LARGE1: variants seen among roughly 807,000 people sequenced by gnomAD.
LARGE1 encodes the protein LARGE xylosyl- and glucuronyltransferase 1, also known as xylosyl- and glucuronyltransferase LARGE1.
Under a neutral mutation model 87.6 loss-of-function variants are expected in LARGE1, and 43 were observed. The ratio of observed to expected loss-of-function variants is 0.49; its 90% confidence interval spans 0.38 to 0.63. The LOEUF is 0.63. Ranked by LOEUF, LARGE1 falls within the 30% of genes least tolerant of loss-of-function variation. The probability of loss-of-function intolerance (pLI) is 0.00; values close to 1 mark genes in which losing one functional copy is unlikely to be tolerated. For missense variants in LARGE1, 802 were observed against 1,000.2 expected (o/e 0.80, Z 2.67); for synonymous variants, 434 against 394.6 (o/e 1.10, Z -1.18).
At chr22:33,463,198 A>C (rs1445074385) in intron 6 of LARGE1, among the ~76,000 whole-genome samples, 3 of 152,140 alleles carry the variant, frequency 2.0e-5, no homozygotes, top group African/African-American at 7.2e-5. Flanking sequence ...TTTTAGGTGA[A>C]AGATTTTCAT....
intron 7 of LARGE1, among the ~76,000 whole-genome samples, chr22:33,410,077 CT>C (rs1263305394): frequency 6.6e-6 from 1 of 151,902 alleles, no homozygotes; most frequent in African/African-American, 2.4e-5. Flanking sequence ...GGATCACCTG[CT>C]TGGTTTTACG....
intron 11 of LARGE1, among the ~76,000 whole-genome samples, chr22:33,252,465 C>T (rs942163464): frequency 6.6e-6 from 1 of 151,950 alleles, no homozygotes; most frequent in Non-Finnish European, 1.5e-5. Context: ...ATTCTGGTCC[C>T]GGGAATTTGA....
chr22:33,505,524 G>C (rs1281936092), intron 6 of LARGE1, among the ~76,000 whole-genome samples: 4 of 152,204 alleles, frequency 2.6e-5, no homozygotes, highest in Non-Finnish European at 5.9e-5. Context: ...CACATCTGAA[G>C]GGTGATGCTG....
chr22:33,640,521 C>T (rs1033323906), intron 3 of LARGE1, among the ~76,000 whole-genome samples: 1 of 152,176 alleles, frequency 6.6e-6, no homozygotes, highest in Admixed American at 6.5e-5. Flanking sequence ...CAGGCAGACA[C>T]CCAGCTAGCT....
At chr22:33,378,302 G>C (rs1223689988) in intron 9 of LARGE1, among the ~76,000 whole-genome samples, 1 of 152,128 alleles carries the variant, frequency 6.6e-6, no homozygotes, top group South Asian at 2.1e-4. Flanking sequence ...TAAAATCTCA[G>C]AGGAAACATT....
chr22:33,885,725 C>CTCATAAAAGA (rs1211354239), intron 1 of LARGE1, among the ~76,000 whole-genome samples: 1 of 152,102 alleles, frequency 6.6e-6, no homozygotes. Flanking sequence ...GCCCAAGTTT[C>CTCATAAAAGA]TCATAAAAGA....
chr22:33,574,257 A>G (rs1053214711), intron 5 of LARGE1, among the ~76,000 whole-genome samples: 3 of 152,156 alleles, frequency 2.0e-5, no homozygotes, highest in Admixed American at 6.6e-5. Context: ...TCAAAATCCA[A>G]AGATGCTCAA....
At position 33,715,621 on chromosome 22, in the gene LARGE1, C is replaced by T. The variant is rs148291541; in HGVS notation, c.106+45750G>A. Among the ~76,000 whole-genome samples, 71 of 152,288 alleles carry T rather than the reference C, an allele frequency of 4.7e-4. 1 individual carries two copies. The highest frequency in any genetic ancestry group is 1.5e-3 in the African/African-American group (64 of 41,560). On this transcript the variant is annotated intron_variant, in intron 2 of 14. Transcript: ENST00000397394. ...TGGAGGGCTGGGTTAAATGTAGGAT[C>T]GCCAGGCCCTAACCCCCAGAGCATC...
the LARGE1 span, among the ~76,000 whole-genome samples, chr22:33,069,106 C>A: frequency 6.6e-6 from 1 of 152,194 alleles, no homozygotes; most frequent in Non-Finnish European, 1.5e-5. Flanking sequence ...TCATCGCCAT[C>A]ATTTCAAGTC....
intron 2 of LARGE1, chr22:33,704,766 C>T (rs564764976): frequency 7.9e-5 from 12 of 152,450 alleles, no homozygotes; most frequent in Admixed American, 2.6e-4. Context: ...TCAGGGCCCC[C>T]GCCAGCTATG....
intron 5 of LARGE1, among the ~76,000 whole-genome samples, chr22:33,591,925 A>C (rs1010692490): frequency 2.0e-5 from 3 of 149,312 alleles, no homozygotes; most frequent in African/African-American, 7.4e-5. Flanking sequence ...ACTCTAGAGG[A>C]TGAGGCAGGA....
the LARGE1 span, among the ~76,000 whole-genome samples, chr22:33,115,102 G>C: frequency 3.3e-5 from 5 of 152,042 alleles, no homozygotes; most frequent in Non-Finnish European, 5.9e-5. Context: ...TACATCTGTG[G>C]GATAGTAGAT....
chr22:33,104,630 C>T, the LARGE1 span, among the ~76,000 whole-genome samples: 5 of 152,276 alleles, frequency 3.3e-5, no homozygotes, highest in African/African-American at 1.2e-4. Context: ...GAGGCTGCCA[C>T]TGATCCCATC....
intron 6 of LARGE1, among the ~76,000 whole-genome samples, chr22:33,498,664 G>T (rs911361208): frequency 1.4e-4 from 22 of 152,130 alleles, no homozygotes; most frequent in African/African-American, 5.3e-4. Context: ...GGATAGCAGG[G>T]CGTGTTCTTT....
chr22:33,815,457 C>T (rs2086621970), intron 1 of LARGE1, among the ~76,000 whole-genome samples: 1 of 152,198 alleles, frequency 6.6e-6, no homozygotes, highest in Non-Finnish European at 1.5e-5. Context: ...ATGTTCCTTT[C>T]CTCATGCGGG....
At chr22:33,075,665 C>T in the LARGE1 span, among the ~76,000 whole-genome samples, 1 of 152,296 alleles carries the variant, frequency 6.6e-6, no homozygotes, top group South Asian at 2.1e-4. Flanking sequence ...TTCTTATTTA[C>T]TCAATGAAGA....
chr22:33,547,134 A>C (rs1369555246), intron 6 of LARGE1, among the ~76,000 whole-genome samples: 1 of 151,676 alleles, frequency 6.6e-6, no homozygotes, highest in Admixed American at 6.6e-5. Context: ...TAATGTATGT[A>C]TGTATGATAC....
intron 5 of LARGE1, among the ~76,000 whole-genome samples, chr22:33,586,448 CA>C (rs2078675671): frequency 6.9e-6 from 1 of 145,254 alleles, no homozygotes; most frequent in Non-Finnish European, 1.5e-5. Context: ...GGGAGAACAA[CA>C]AGATTTCTTT....
intron 1 of LARGE1, among the ~76,000 whole-genome samples, chr22:33,864,325 A>T (rs1050119912): frequency 6.6e-6 from 1 of 152,336 alleles, no homozygotes; most frequent in Non-Finnish European, 1.5e-5. Context: ...TACAATAAAG[A>T]TGCAATAAAG....
Sources: gnomAD v4.1 joint callset for allele counts (sites outside exome capture counted in the v4.1 genomes callset) on GRCh38, gnomAD v4.1.1 for gene constraint, MANE v1.5 for transcripts, NCBI Gene and HGNC (gene_info 2026-07-23, HGNC 2026-07-21) for gene names.